The following TMLHE variants were observed in gnomAD, a reference collection of about 807,000 sequenced individuals.
The protein encoded by TMLHE is trimethyllysine dioxygenase, mitochondrial.
TMLHE carries 18 observed loss-of-function variants against 25.7 expected under a neutral mutation model. That is an observed-to-expected ratio of 0.70 (90% CI 0.48 to 1.04). TMLHE has a LOEUF of 1.04. Among genes scored for constraint, TMLHE ranks in the 50% least tolerant of loss-of-function variants. The pLI is 0.00. For missense variants in TMLHE, 236 were observed against 259.0 expected (o/e 0.91, Z 0.61); for synonymous variants, 105 against 97.0 (o/e 1.08, Z -0.49).
chrX:155,599,714 A>G (rs1557347009), intron 1 of TMLHE, among the ~76,000 whole-genome samples: 2 of 111,514 alleles, frequency 1.8e-5, no homozygotes, highest in Non-Finnish European at 3.8e-5. Flanking sequence ...TGATACAACC[A>G]TGTTGAAAAT....
At chrX:155,550,194 G>A (rs1484600874) in intron 1 of TMLHE, among the ~76,000 whole-genome samples, 1 of 110,735 alleles carries the variant, frequency 9.0e-6, no homozygotes, top group Admixed American at 9.6e-5. Flanking sequence ...ACGTGTGCAT[G>A]TGTCTTTATC....
At chrX:155,555,250 A>G (rs1475011609) in intron 1 of TMLHE, among the ~76,000 whole-genome samples, 45 of 110,422 alleles carry the variant, frequency 4.1e-4, no homozygotes, top group African/African-American at 1.5e-3. Context: ...GTGTATATGT[A>G]CCAAATTTTC....
chrX:155,593,241 G>A (rs1557346170), intron 1 of TMLHE, among the ~76,000 whole-genome samples: 1 of 111,802 alleles, frequency 8.9e-6, no homozygotes, highest in African/African-American at 3.3e-5. Flanking sequence ...TGATTGTAAA[G>A]CCCAGCCAAC....
At chrX:155,508,851 T>C (rs2067091060) in intron 5 of TMLHE, among the ~76,000 whole-genome samples, 1 of 110,701 alleles carries the variant, frequency 9.0e-6, no homozygotes, top group African/African-American at 3.3e-5. Context: ...AATGAAAATA[T>C]ATTGAATGTA....
At chrX:155,611,276 C>T (rs1224518843) in intron 1 of TMLHE, among the ~76,000 whole-genome samples, 1 of 110,857 alleles carries the variant, frequency 9.0e-6, no homozygotes, top group Non-Finnish European at 1.9e-5. Flanking sequence ...CCAGGGGATG[C>T]TTGGTATTAT....
At chrX:155,510,746 A>G (rs1451300359) in intron 5 of TMLHE, among the ~76,000 whole-genome samples, 16 of 108,569 alleles carry the variant, frequency 1.5e-4, no homozygotes, top group South Asian at 4.2e-4. Context: ...ATGATTTATA[A>G]TCCTTTGGGT....
Position 155,560,601 on chromosome X carries a change from G to A in TMLHE, c.-1-15324C>T, listed in dbSNP as rs1223559819. ...GAGGAGTTAGTCATAAGGATATCTG[G>A]GGTAAAGTAGACTAGGCAGAGGGGA... On this transcript the variant is annotated intron_variant, in intron 1 of 7. Transcript: ENST00000334398. Among the ~76,000 whole-genome samples the A allele has an allele frequency of 8.5e-5, 4 of 47,320 alleles. 2 individuals carry two copies. Among genetic ancestry groups the A allele is most frequent in the Non-Finnish European group, 2.7e-4 (4 of 14,597 alleles). The allele number at this position is 47,320 out of a possible 115,157, so 41.1% of individuals were successfully genotyped here.
chrX:155,543,701 C>G (rs1211454307), intron 2 of TMLHE, among the ~76,000 whole-genome samples: 1 of 112,245 alleles, frequency 8.9e-6, no homozygotes, highest in Admixed American at 9.4e-5. Context: ...AATTTCAACA[C>G]CTGTGTCATA....
intron 1 of TMLHE, among the ~76,000 whole-genome samples, chrX:155,582,364 A>G (rs2067635340): frequency 8.9e-6 from 1 of 112,378 alleles, no homozygotes; most frequent in African/African-American, 3.2e-5. Flanking sequence ...AGCAAAAGAA[A>G]CTACCATCAG....
chrX:155,509,567 T>C (rs1183268351), intron 5 of TMLHE, among the ~76,000 whole-genome samples: 1 of 111,870 alleles, frequency 8.9e-6, no homozygotes, highest in Non-Finnish European at 1.9e-5. Flanking sequence ...CCTGTACAGC[T>C]GCTTCTTATC....
chrX:155,555,052 C>A (rs1414541774), intron 1 of TMLHE, among the ~76,000 whole-genome samples: 1 of 109,652 alleles, frequency 9.1e-6, no homozygotes, highest in African/African-American at 3.3e-5. Context: ...CCCTGACAGG[C>A]CCCAGTGTGT....
At chrX:155,557,735 TTCC>T (rs1484067136) in intron 1 of TMLHE, among the ~76,000 whole-genome samples, 1 of 110,863 alleles carries the variant, frequency 9.0e-6, no homozygotes, top group Non-Finnish European at 1.9e-5. Flanking sequence ...TCCCACAGAG[TTCC>T]TCCTCACAGT....
intron 2 of TMLHE, among the ~76,000 whole-genome samples, chrX:155,530,570 CA>C (rs1240902681): frequency 9.0e-6 from 1 of 111,420 alleles, no homozygotes; most frequent in African/African-American, 3.3e-5. Flanking sequence ...GTTCTTGCCA[CA>C]AAAAAATGGG....
In TMLHE at chrX:155,568,682, T is replaced by C. The variant is rs1372302643; in HGVS notation, c.-1-23405A>G. Among the ~76,000 whole-genome samples the C allele has an allele frequency of 5.5e-3, 292 of 52,670 alleles. 4 individuals are homozygous for C. Among genetic ancestry groups the C allele is most frequent in the Non-Finnish European group, 0.01 (181 of 17,632 alleles). 45.7% of individuals were successfully genotyped at this position (52,670 alleles called of 115,157 possible). ...CAGCAGCATTCGCGGTTCATGAAAA[T>C]CCGCTGTTCTGCAGACACCGCTGCT... On this transcript the variant is annotated intron_variant, in intron 1 of 7. Coordinates refer to ENST00000334398, the MANE Select transcript of TMLHE (RefSeq NM_018196.4).
intron 1 of TMLHE, chrX:155,611,517 A>T (rs1365469684): frequency 9.0e-6 from 1 of 111,398 alleles, no homozygotes; most frequent in African/African-American, 3.3e-5. Flanking sequence ...TTCCTGAAAC[A>T]GAGGCCAAAA....
chrX:155,548,618 C>T (rs782615353), intron 1 of TMLHE, among the ~76,000 whole-genome samples: 2 of 108,351 alleles, frequency 1.8e-5, no homozygotes, highest in South Asian at 8.2e-4. Flanking sequence ...ACCTGTATTC[C>T]CAGCTACTCA....
At position 155,563,407 on chromosome X, in the gene TMLHE, C is replaced by A; in HGVS notation, c.-1-18130G>T. Reference sequence around the variant, plus strand: ...AGAACAACAAGGAGAAAGTCCACCCCCATGATTCAATCACTTTCCATCAGG... The same window carrying A: ...AGAACAACAAGGAGAAAGTCCACCCACATGATTCAATCACTTTCCATCAGG... On this transcript the variant is annotated intron_variant, in intron 1 of 7. Transcript: ENST00000334398. Among the ~76,000 whole-genome samples, 2 of 61,961 alleles carry A rather than the reference C, an allele frequency of 3.2e-5. 1 individual carries two copies. The highest frequency in any genetic ancestry group is 9.1e-5 in the Non-Finnish European group (2 of 22,079). The allele number at this position is 61,961 out of a possible 115,157, so 53.8% of individuals were successfully genotyped here. A position where few individuals can be genotyped will look rare whatever the true frequency, so the allele number is the denominator to read the frequency against.
At chrX:155,535,996 A>C (rs1446957920) in intron 2 of TMLHE, among the ~76,000 whole-genome samples, 1 of 111,732 alleles carries the variant, frequency 8.9e-6, no homozygotes, top group African/African-American at 3.3e-5. Flanking sequence ...TCTAACTGAA[A>C]CATTCTTCTT....
chrX:155,536,289 A>G (rs892924715), intron 2 of TMLHE, among the ~76,000 whole-genome samples: 2 of 111,307 alleles, frequency 1.8e-5, no homozygotes, highest in African/African-American at 6.5e-5. Flanking sequence ...ATGTTTGTTG[A>G]ATAAATCAAT....
Sources: allele counts gnomAD v4.1 joint callset (sites outside exome capture counted in the v4.1 genomes callset), GRCh38; gene constraint gnomAD v4.1.1; transcripts MANE v1.5; gene names NCBI Gene and HGNC (gene_info 2026-07-23, HGNC 2026-07-21).